Variants in NALCN observed in about 807,000 individuals in gnomAD.
NALCN encodes sodium leak channel, non-selective, also known as sodium leak channel NALCN.
Under a neutral mutation model 225.3 loss-of-function variants are expected in NALCN, and 111 were observed. That is an observed-to-expected ratio of 0.49 (90% CI 0.42 to 0.58). The LOEUF is 0.58. Among genes scored for constraint, NALCN ranks in the 20% least tolerant of loss-of-function variants. NALCN has a pLI of 0.00. For synonymous variants in NALCN, 764 were observed against 769.0 expected, an observed-to-expected ratio of 0.99 and a Z score of 0.11; for missense variants, 1,378 against 2,202.4, an observed-to-expected ratio of 0.63 and a Z score of 7.49.
intron 6 of NALCN, among the ~76,000 whole-genome samples, chr13:101,354,692 T>G (rs2045998853): frequency 6.6e-6 from 1 of 152,232 alleles, no homozygotes; most frequent in Non-Finnish European, 1.5e-5. Context: ...AACTGTATTA[T>G]AAATTAGAAA....
At chr13:101,145,086 AC>A (rs2037283224) in intron 15 of NALCN, among the ~76,000 whole-genome samples, 190 bp from the exon 16 acceptor site, 1 of 151,184 alleles carries the variant, frequency 6.6e-6, no homozygotes, top group Non-Finnish European at 1.5e-5. Context: ...TTTTGAGTTA[AC>A]AGAAAAAACA....
chr13:101,416,863 G>T (rs1375703681), upstream of NALCN, among the ~76,000 whole-genome samples: 1 of 152,104 alleles, frequency 6.6e-6, no homozygotes. Context: ...CCAGGAGGCC[G>T]GGAGCCCAGC....
chr13:101,285,690 A>G (rs1158730373), intron 9 of NALCN, among the ~76,000 whole-genome samples: 2 of 152,208 alleles, frequency 1.3e-5, no homozygotes, highest in Admixed American at 1.3e-4. Flanking sequence ...TTTAGAATAA[A>G]CTGCAAAAAC....
rs989998777 is a variant in NALCN, at chr13:101,089,201, A to C, written c.3489+462T>G. On this transcript the variant is annotated intron_variant, in intron 30 of 43. Coordinates refer to ENST00000251127, the MANE Select transcript of NALCN (RefSeq NM_052867.4). This position sits in a 1 kb window ranked among gnomAD's most constrained non-coding sequence, Gnocchi z 4.7. Reference sequence around the variant, plus strand: ...GCGTGAGCCACCATGCCCTGCCACAAAATCTTTTTTTCTGTGAATTAGGAT... The same window carrying C: ...GCGTGAGCCACCATGCCCTGCCACACAATCTTTTTTTCTGTGAATTAGGAT... Among the ~76,000 whole-genome samples, 7 of 152,158 alleles carry C rather than the reference A, an allele frequency of 4.6e-5. No homozygotes were observed. The highest frequency in any genetic ancestry group is 1.7e-4 in the African/African-American group (7 of 41,450).
intron 6 of NALCN, among the ~76,000 whole-genome samples, chr13:101,350,219 C>T (rs566960807): frequency 6.6e-6 from 1 of 152,156 alleles, no homozygotes; most frequent in Admixed American, 6.5e-5. Context: ...CTGCAAGATA[C>T]TGAAGGATCT....
At chr13:101,317,216 G>A (rs887654979) in intron 7 of NALCN, among the ~76,000 whole-genome samples, 1 of 152,038 alleles carries the variant, frequency 6.6e-6, no homozygotes, top group Non-Finnish European at 1.5e-5. Context: ...GTACAAAAAA[G>A]TCTTTTTAAG....
chr13:101,218,431 C>T (rs186323221), intron 13 of NALCN, among the ~76,000 whole-genome samples: 61 of 152,252 alleles, frequency 4.0e-4, no homozygotes, highest in African/African-American at 1.1e-3. Flanking sequence ...TTGTATCTTA[C>T]GGCTTCTGGT....
At chr13:101,375,553 A>T (rs1272547071) in intron 6 of NALCN, among the ~76,000 whole-genome samples, 3 of 152,102 alleles carry the variant, frequency 2.0e-5, no homozygotes, top group East Asian at 3.9e-4. Context: ...ATCCTTATAT[A>T]CCCAATTGGT....
chr13:101,378,591 A>G lies in NALCN; in HGVS notation c.354T>C (p.Leu118=). 6.2e-7 allele frequency: 1 copy of G among 1,608,596 alleles called. No individual in the cohort carries two copies. Among genetic ancestry groups the G allele is most frequent in the Middle Eastern group, 1.7e-4 (1 of 6,036 alleles). The stretch of plus-strand genomic sequence containing the variant: ...TTACCTGTAGCACCAAAGAAACCCA[A>G]AGGCAAAAGACCATAAATCCATCAA... The part of the protein sequence containing the change: ...CVFDGFMVFC[L]WVSLVLQVFE... The change falls in exon 4 of 44, where the codon CTT becomes CTC. Residue 118 remains leucine, a synonymous_variant. Coordinates refer to ENST00000251127, the MANE Select transcript of NALCN (RefSeq NM_052867.4).
At chr13:101,269,355 T>A (rs1594569146) in intron 10 of NALCN, among the ~76,000 whole-genome samples, 1 of 152,242 alleles carries the variant, frequency 6.6e-6, no homozygotes, top group South Asian at 2.1e-4. Flanking sequence ...CAATTGGCCA[T>A]GGAGCATCTT....
At chr13:101,286,180 C>T (rs2043330540) in intron 9 of NALCN, among the ~76,000 whole-genome samples, 1 of 152,138 alleles carries the variant, frequency 6.6e-6, no homozygotes, top group Non-Finnish European at 1.5e-5. Flanking sequence ...TAGCAGAAGC[C>T]AAGAATCCTC....
intron 6 of NALCN, among the ~76,000 whole-genome samples, chr13:101,352,712 G>C (rs569703054): frequency 6.6e-6 from 1 of 152,218 alleles, no homozygotes; most frequent in East Asian, 1.9e-4. Flanking sequence ...GACAAAAAAG[G>C]TCAAAAGATA....
chr13:101,358,597 G>A (rs762553850), intron 6 of NALCN, among the ~76,000 whole-genome samples: 2 of 152,170 alleles, frequency 1.3e-5, no homozygotes, highest in African/African-American at 4.8e-5. Flanking sequence ...ACTGTTGGTA[G>A]GAATGTAAAT....
At chr13:101,345,224 A>T (rs375205647) in intron 7 of NALCN, 42 bp downstream of exon 7, 1 of 1,589,946 alleles carries the variant, frequency 6.3e-7, no homozygotes, top group South Asian at 1.1e-5. Context: ...CATAAACATC[A>T]CAAAATAGAA....
chr13:101,125,150 G>T (rs1253144384), intron 17 of NALCN, among the ~76,000 whole-genome samples: 1 of 152,064 alleles, frequency 6.6e-6, no homozygotes, highest in Non-Finnish European at 1.5e-5. Flanking sequence ...CCTAGTTGGC[G>T]ATGATAAAAT....
intron 7 of NALCN, among the ~76,000 whole-genome samples, chr13:101,332,373 A>T (rs1302088603): frequency 1.3e-5 from 2 of 150,404 alleles, no homozygotes; most frequent in African/African-American, 4.9e-5. Flanking sequence ...AAACGATGTT[A>T]AAAAAAACCC....
At chr13:101,119,922 C>T (rs1228440572) in intron 18 of NALCN, among the ~76,000 whole-genome samples, 1 of 152,146 alleles carries the variant, frequency 6.6e-6, no homozygotes, top group African/African-American at 2.4e-5. Context: ...GTAAAAATGG[C>T]CCACTTTTTT....
chr13:101,194,478 T>A (rs1249400203), intron 13 of NALCN, among the ~76,000 whole-genome samples: 1 of 152,204 alleles, frequency 6.6e-6, no homozygotes, highest in Non-Finnish European at 1.5e-5. Context: ...TGGAGATTTT[T>A]ATCCAGAAAT....
chr13:101,110,682 T>C lies in NALCN; in HGVS notation c.2301A>G (p.Leu767=). The change falls in exon 20 of 44, where the codon CTA becomes CTG. Residue 767 remains leucine, a synonymous_variant. Coordinates refer to ENST00000251127, the MANE Select transcript of NALCN (RefSeq NM_052867.4). ...QHHIRQERRS[L]RHGSNSQRIS... is the part of the protein sequence containing the mutation. ...TCCTCTGGCTGTTTGATCCATGTCTTAGTGACCTAAAACAACCACAGGCAC... is the reference window on the plus strand; with the variant it reads ...TCCTCTGGCTGTTTGATCCATGTCTCAGTGACCTAAAACAACCACAGGCAC... The C allele has an allele frequency of 6.2e-7, 1 of 1,614,088 alleles. No individual in the cohort carries two copies. Among genetic ancestry groups the C allele is most frequent in the South Asian group, 1.1e-5 (1 of 91,082 alleles).
Sources: gnomAD v4.1 joint callset for allele counts (sites outside exome capture counted in the v4.1 genomes callset) on GRCh38, gnomAD v4.1.1 for gene constraint, Gnocchi (gnomAD v3.1) non-coding constraint, MANE v1.5 for transcripts, NCBI Gene and HGNC (gene_info 2026-07-23, HGNC 2026-07-21) for gene names.